The following RMDN3 variants were observed in gnomAD, a reference collection of about 807,000 sequenced individuals.
RMDN3 encodes regulator of microtubule dynamics 3.
Under a neutral mutation model 61.8 loss-of-function variants are expected in RMDN3, and 41 were observed. That is an observed-to-expected ratio of 0.66 (90% CI 0.52 to 0.86). The LOEUF (loss-of-function observed/expected upper bound fraction) is 0.86, where lower values mean the gene tolerates loss of function less well. RMDN3 is among the 40% of genes least tolerant of loss of function. The probability of loss-of-function intolerance (pLI) is 0.00; values close to 1 mark genes in which losing one functional copy is unlikely to be tolerated. For missense variants in RMDN3, 557 were observed against 585.3 expected (o/e 0.95, Z 0.50); for synonymous variants, 247 against 232.0 (o/e 1.06, Z -0.59).
intron 6 of RMDN3, among the ~76,000 whole-genome samples, chr15:40,743,774 T>A (rs1055740876): frequency 1.3e-5 from 2 of 152,048 alleles, no homozygotes; most frequent in African/African-American, 4.8e-5. Context: ...GTGGCTAGAG[T>A]GAGAAAAACG....
chr15:40,741,892 G>A (rs1897300167), intron 6 of RMDN3, among the ~76,000 whole-genome samples: 1 of 151,976 alleles, frequency 6.6e-6, no homozygotes, highest in Non-Finnish European at 1.5e-5. Context: ...CTCCCAAAGT[G>A]CTGTGATTAC....
At chr15:40,751,334 T>G in intron 4 of RMDN3, 92 bp downstream of exon 4, 1 of 1,489,832 alleles carries the variant, frequency 6.7e-7, no homozygotes, top group East Asian at 2.3e-5. Context: ...AAAAATCATT[T>G]GCAGCAGCTT....
chr15:40,741,466 C>A (rs753266250), intron 6 of RMDN3, among the ~76,000 whole-genome samples: 61 of 152,108 alleles, frequency 4.0e-4, no homozygotes, highest in African/African-American at 1.4e-3. Flanking sequence ...TAGTCTTACC[C>A]GAGTTTTCTA....
Position 40,736,515 on chromosome 15 carries a change from A to C in RMDN3, c.*26T>G. The C allele has an allele frequency of 1.2e-6, 2 of 1,610,370 alleles. No individual in the cohort carries two copies. Among genetic ancestry groups the C allele is most frequent in the South Asian group, 2.2e-5 (2 of 90,980 alleles). On this transcript the variant is annotated 3_prime_UTR_variant, in exon 13 of 13. Coordinates refer to ENST00000338376, the MANE Select transcript of RMDN3 (RefSeq NM_018145.3). ...CCCCCCCACCTTAAATAGTGGCATC[A>C]AGTCATGAAGGCCAGTGAAACGTGG... is the stretch of plus-strand genomic sequence containing the variant.
At chr15:40,736,635 C>T in intron 12 of RMDN3, 41 bp from the exon 13 acceptor site, 1 of 1,579,812 alleles carries the variant, frequency 6.3e-7, no homozygotes, top group South Asian at 1.1e-5. Context: ...AAAATTTAAA[C>T]CAGCATTTTC....
At position 40,743,987 on chromosome 15, in the gene RMDN3, G is replaced by A. The variant is rs1897384699; in HGVS notation, c.910+60C>T. 17 of 1,441,628 alleles carry A rather than the reference G, an allele frequency of 1.2e-5. No individual in the cohort carries two copies. The East Asian group carries it at 4.0e-4, about 34-fold the overall frequency. The allele number at this position is 1,441,628 out of a possible 1,614,324, so 89.3% of individuals were successfully genotyped here. A position where few individuals can be genotyped will look rare whatever the true frequency, so the allele number is the denominator to read the frequency against. On this transcript the variant is annotated intron_variant, in intron 6 of 12. Coordinates refer to ENST00000338376, the MANE Select transcript of RMDN3 (RefSeq NM_018145.3). ...TGGTTCCCCGGGTCCCCAGGCAGAT[G>A]GGCCAGCCCCACCCCTGAATCAGTC...
intron 8 of RMDN3, 53 bp downstream of exon 8, chr15:40,738,448 G>A: frequency 2.5e-6 from 4 of 1,576,062 alleles, no homozygotes; most frequent in Non-Finnish European, 2.6e-6. Context: ...CTGGAAAGGA[G>A]TGGGGAATCT....
At position 40,754,762 on chromosome 15, in the gene RMDN3, C is replaced by T; in HGVS notation, c.22G>A (p.Gly8Ser). The T allele has an allele frequency of 1.2e-6, 2 of 1,607,268 alleles. No homozygotes were observed. The highest frequency in any genetic ancestry group is 2.2e-5 in the South Asian group (2 of 90,662). Residue 8 changes from glycine (G) to serine (S), a missense_variant, in exon 2 of 13, where the codon GGT (glycine) becomes AGT (serine). Gly to Ser is a moderately conservative substitution (Grantham distance 56). Transcript: ENST00000338376. The part of the protein sequence containing the change: MSRLGAL[G>S]GARAGLGLLL... ...AGTCCCAGCCCGGCACGGGCACCAC[C>T]CAGGGCTCCCAGTCTAGACATGCTG...
At chr15:40,741,063 G>A (rs1320049652) in intron 6 of RMDN3, among the ~76,000 whole-genome samples, 2 of 146,628 alleles carry the variant, frequency 1.4e-5, no homozygotes, top group East Asian at 2.3e-4. Flanking sequence ...CAGCCTGGGC[G>A]ACGAACTCCA....
intron 6 of RMDN3, 54 bp from the exon 7 acceptor site, chr15:40,740,247 A>G: frequency 8.3e-7 from 1 of 1,211,416 alleles, no homozygotes; most frequent in South Asian, 1.2e-5. Context: ...ACACTTTCAT[A>G]GGAAGGCTTG....
Position 40,751,987 on chromosome 15 carries a change from G to C in RMDN3, c.379C>G (p.Arg127Gly). The C allele has an allele frequency of 6.2e-7, 1 of 1,613,260 alleles. No individual in the cohort carries two copies. The highest frequency in any genetic ancestry group is 8.5e-7 in the Non-Finnish European group (1 of 1,179,562). The change falls in exon 3 of 13, where the codon CGA becomes GGA. Residue 127 changes from arginine (R) to glycine (G), a missense_variant and splice_region_variant. Physicochemically the swap from Arg to Gly is moderately radical, Grantham distance 125 (BLOSUM62 -2). Coordinates refer to ENST00000338376, the MANE Select transcript of RMDN3 (RefSeq NM_018145.3). The stretch of plus-strand genomic sequence containing the variant: ...AGGAGAAGAAGCCGCATTACTCACC[G>C]GACCTCCCCAACAATCTCCCCCGCA... ...GLAGEIVGEV[R>G]CHMEENQRVA... is the part of the protein sequence containing the mutation.
Position 40,754,607 on chromosome 15 carries a change from G to A in RMDN3, c.177C>T (p.Pro59=), listed in dbSNP as rs1278809652. The stretch of plus-strand genomic sequence containing the variant: ...GAGACGGGCTCCTACCGTGGCGTCC[G>A]GGATCTGAAGTCTGCGTATAGTCCA... The part of the protein sequence containing the change: ...NSLDYTQTSD[P]GRHVMLLRAV... The change falls in exon 2 of 13, where the codon CCC becomes CCT. Residue 59 remains proline, a synonymous_variant. Transcript: ENST00000338376. 1.2e-6 allele frequency: 2 copies of A among 1,611,814 alleles called. No individual in the cohort carries two copies. The highest frequency in any genetic ancestry group is 1.7e-5 in the Admixed American group (1 of 59,780).
At chr15:40,743,967 C>G in intron 6 of RMDN3, 80 bp downstream of exon 6, 1 of 1,217,902 alleles carries the variant, frequency 8.2e-7, no homozygotes, top group Admixed American at 2.2e-5. Context: ...CTTGGTGGTT[C>G]CCCGGGTCCC....
At chr15:40,747,998 T>G (rs1596052480) in intron 4 of RMDN3, among the ~76,000 whole-genome samples, 1 of 152,130 alleles carries the variant, frequency 6.6e-6, no homozygotes, top group East Asian at 1.9e-4. Flanking sequence ...CTGGGAAGGC[T>G]TGCTGGAGGA....
At chr15:40,752,632 A>C (rs1368946732) in intron 2 of RMDN3, among the ~76,000 whole-genome samples, 1 of 152,168 alleles carries the variant, frequency 6.6e-6, no homozygotes, top group Non-Finnish European at 1.5e-5. Flanking sequence ...GAAAACTTGG[A>C]GTTTCTCCCA....
At chr15:40,746,878 G>GGA (rs1185315591) in intron 4 of RMDN3, among the ~76,000 whole-genome samples, 16 of 140,662 alleles carry the variant, frequency 1.1e-4, no homozygotes, top group Admixed American at 7.2e-5. Flanking sequence ...TTAGTTATTA[G>GGA]AAAAAAAAAA....
At chr15:40,738,996 A>C (rs551108723) in intron 7 of RMDN3, 1 of 166,238 alleles carries the variant, frequency 6.0e-6, no homozygotes, top group South Asian at 1.6e-4. Flanking sequence ...ATTAGCCTTT[A>C]AGCATACAGG....
At position 40,751,422 on chromosome 15, in the gene RMDN3, T is replaced by C; in HGVS notation, c.524+4A>G. ...CATAACTGCCTCCAAGAGAGACAAC[T>C]CACCCCCCTTCACTCTCAGCATCTG... On this transcript the variant is annotated splice_donor_region_variant and intron_variant, in intron 4 of 12. Coordinates refer to ENST00000338376, the MANE Select transcript of RMDN3 (RefSeq NM_018145.3). 6.2e-7 allele frequency: 1 copy of C among 1,613,858 alleles called. No homozygotes were observed. Among genetic ancestry groups the C allele is most frequent in the Non-Finnish European group, 8.5e-7 (1 of 1,179,770 alleles).
In RMDN3 at chr15:40,755,143, C is replaced by T. The variant is rs7169273; in HGVS notation, c.-68G>A. ...GCCCTGGCTGCAAACTCCTGGCCTT[C>T]CGCCGCGGCCCCCGAAGGCGCTCTG... On this transcript the variant is annotated 5_prime_UTR_variant, in exon 1 of 13. Transcript: ENST00000338376. 4,139 of 187,780 alleles carry T rather than the reference C, an allele frequency of 0.022. 173 individuals are homozygous for T. The highest frequency in any genetic ancestry group is 0.092 in the African/African-American group (3,943 of 42,686). The allele number at this position is 187,780 out of a possible 1,614,324, so 11.6% of individuals were successfully genotyped here. A position where few individuals can be genotyped will look rare whatever the true frequency, so the allele number is the denominator to read the frequency against.
Sources: allele counts gnomAD v4.1 joint callset (sites outside exome capture counted in the v4.1 genomes callset), GRCh38; gene constraint gnomAD v4.1.1; transcripts MANE v1.5; gene names NCBI Gene and HGNC (gene_info 2026-07-23, HGNC 2026-07-21).